Variants in GSAP observed in about 807,000 individuals in gnomAD.
GSAP encodes the protein gamma-secretase activating protein.
In GSAP, 118 loss-of-function variants were observed where a neutral mutation model predicts 131.7. The ratio of observed to expected loss-of-function variants is 0.90; its 90% confidence interval spans 0.77 to 1.04. GSAP has a LOEUF of 1.04. Ranked by LOEUF, GSAP falls within the 50% of genes least tolerant of loss-of-function variation. The probability of loss-of-function intolerance (pLI) is 0.00; values close to 1 mark genes in which losing one functional copy is unlikely to be tolerated. For synonymous variants in GSAP, 381 were observed against 363.4 expected (o/e 1.05, Z -0.55); for missense variants, 1,019 against 1,013.2 (o/e 1.01, Z -0.08).
At chr7:77,369,155 T>C (rs1584533601) in intron 12 of GSAP, among the ~76,000 whole-genome samples, 1 of 152,094 alleles carries the variant, frequency 6.6e-6, no homozygotes, top group Non-Finnish European at 1.5e-5. Flanking sequence ...TTTACACACT[T>C]CCCTACTCAC....
rs182591658 is a variant in GSAP, at chr7:77,415,221, A to T, written c.109+992T>A. Among the ~76,000 whole-genome samples the T allele has an allele frequency of 2.2e-4, 34 of 152,334 alleles. No individual in the cohort carries two copies. In the East Asian group the frequency reaches 4.6e-3, roughly 21 times the overall value. ...TCATAGGAGAGTGTGAAGATACAAGATAGCAACTTGATATATAACTCACAT... is the reference window on the plus strand; with the variant it reads ...TCATAGGAGAGTGTGAAGATACAAGTTAGCAACTTGATATATAACTCACAT... On this transcript the variant is annotated intron_variant, in intron 1 of 30. Transcript: ENST00000257626.
chr7:77,416,174 T>TCCCCCCCCCCCCCCCCCCC, intron 1 of GSAP, 39 bp downstream of exon 1: 2 of 1,113,440 alleles, frequency 1.8e-6, no homozygotes, highest in South Asian at 1.7e-5. Context: ...GGACTCCCAC[T>TCCCCCCCCCCCCCCCCCCC]CCCCGCCCCC....
At position 77,320,825 on chromosome 7, in the gene GSAP, TA is replaced by T. The variant is rs749191297; in HGVS notation, c.1995-7del. On this transcript the variant is annotated splice_polypyrimidine_tract_variant and splice_region_variant and intron_variant, in intron 25 of 30. Coordinates refer to ENST00000257626, the MANE Select transcript of GSAP (RefSeq NM_017439.4). ...CAGCACTGCCACGACTATTGCTGGG[TA>T]AAAAAAACAAAGCAGCATGTCAGCC... 2.3e-5 allele frequency: 36 copies of T among 1,578,696 alleles called. No homozygotes were observed. Among genetic ancestry groups the T allele is most frequent in the Non-Finnish European group, 3.1e-5 (36 of 1,148,364 alleles).
chr7:77,331,619 A>ATAAT (rs760450286), intron 19 of GSAP, among the ~76,000 whole-genome samples: 19 of 152,234 alleles, frequency 1.2e-4, no homozygotes, highest in Non-Finnish European at 2.4e-4. Flanking sequence ...AAAGACAGTC[A>ATAAT]TAATTGGTTT....
intron 24 of GSAP, among the ~76,000 whole-genome samples, chr7:77,321,762 A>G (rs1003642961): frequency 1.3e-5 from 2 of 152,208 alleles, no homozygotes; most frequent in African/African-American, 4.8e-5. Context: ...CCAACAGTGG[A>G]CAGTCAGAAG....
chr7:77,319,727 A>T (rs1787372987), intron 26 of GSAP, among the ~76,000 whole-genome samples: 2 of 149,634 alleles, frequency 1.3e-5, no homozygotes, highest in South Asian at 4.2e-4. Flanking sequence ...ATCCTGCTCC[A>T]TGTGACAACA....
chr7:77,347,532 G>C (rs1328236828), intron 19 of GSAP, among the ~76,000 whole-genome samples: 1 of 152,098 alleles, frequency 6.6e-6, no homozygotes, highest in Non-Finnish European at 1.5e-5. Flanking sequence ...GTGTGAGAGA[G>C]AGGGAAAACA....
At chr7:77,383,058 G>A (rs747751484) in intron 6 of GSAP, among the ~76,000 whole-genome samples, 4 of 152,170 alleles carry the variant, frequency 2.6e-5, no homozygotes, top group South Asian at 2.1e-4. Flanking sequence ...GTGGTGGCAC[G>A]TGCCTGTAGT....
At chr7:77,399,676 G>A (rs138871909) in intron 3 of GSAP, among the ~76,000 whole-genome samples, 228 of 150,032 alleles carry the variant, frequency 1.5e-3, no homozygotes, top group Middle Eastern at 0.01. Flanking sequence ...ATATTGCAGG[G>A]TGAGACCATT....
At chr7:77,359,655 T>C (rs1794264377) in intron 14 of GSAP, among the ~76,000 whole-genome samples, 1 of 152,202 alleles carries the variant, frequency 6.6e-6, no homozygotes, top group Non-Finnish European at 1.5e-5. Context: ...GACAACATGT[T>C]TAAGATAGCC....
At chr7:77,338,505 G>T (rs1029359944) in intron 19 of GSAP, among the ~76,000 whole-genome samples, 1 of 152,136 alleles carries the variant, frequency 6.6e-6, no homozygotes, top group African/African-American at 2.4e-5. Flanking sequence ...ACCATAAACT[G>T]GATGGCTTAT....
chr7:77,328,494 C>T (rs1280231168), intron 22 of GSAP, 112 bp downstream of exon 22: 2 of 1,489,270 alleles, frequency 1.3e-6, no homozygotes, highest in South Asian at 1.4e-5. Flanking sequence ...GTGCTGCCTG[C>T]ACCACACTAC....
At chr7:77,398,170 C>T (rs939073091) in intron 3 of GSAP, among the ~76,000 whole-genome samples, 1 of 152,066 alleles carries the variant, frequency 6.6e-6, no homozygotes, top group Non-Finnish European at 1.5e-5. Flanking sequence ...AGACAGTCTT[C>T]GACCTCAGAA....
chr7:77,315,474 C>G (rs1242486407), intron 26 of GSAP: 2 of 152,216 alleles, frequency 1.3e-5, no homozygotes, highest in African/African-American at 4.8e-5. Flanking sequence ...GGCTTTCAAC[C>G]TGTGTCCTGG....
intron 4 of GSAP, 82 bp from the exon 5 acceptor site, chr7:77,397,117 G>A: frequency 1.1e-6 from 1 of 891,640 alleles, no homozygotes; most frequent in Admixed American, 2.2e-5. Context: ...ACCTGAAATA[G>A]ATGAGGGCTC....
At chr7:77,407,658 T>C (rs1348076353) in intron 1 of GSAP, among the ~76,000 whole-genome samples, 3 of 152,162 alleles carry the variant, frequency 2.0e-5, no homozygotes, top group Admixed American at 6.5e-5. Flanking sequence ...GCAAAAAAAA[T>C]CTGAAGCAAC....
chr7:77,345,749 A>G (rs1791703314), intron 19 of GSAP, among the ~76,000 whole-genome samples: 1 of 152,082 alleles, frequency 6.6e-6, no homozygotes, highest in Non-Finnish European at 1.5e-5. Flanking sequence ...CCCAAATCCT[A>G]TAAAACGGCC....
At chr7:77,413,703 A>G (rs926724893) in intron 1 of GSAP, among the ~76,000 whole-genome samples, 1 of 152,244 alleles carries the variant, frequency 6.6e-6, no homozygotes, top group Non-Finnish European at 1.5e-5. Context: ...AAGTCAAAGT[A>G]ATGTTAAAAT....
At chr7:77,416,407 C>A (rs1804486240), upstream of GSAP, 3 of 620,460 alleles carry the variant, frequency 4.8e-6, no homozygotes, top group African/African-American at 1.9e-5. Flanking sequence ...CTCGCGTCCC[C>A]GCTCCCGCCC....
Sources: gnomAD v4.1 joint callset for allele counts (sites outside exome capture counted in the v4.1 genomes callset) on GRCh38, gnomAD v4.1.1 for gene constraint, MANE v1.5 for transcripts, NCBI Gene and HGNC (gene_info 2026-07-23, HGNC 2026-07-21) for gene names.